Variants in NOL4 observed in about 807,000 individuals in gnomAD.
The protein encoded by NOL4 is nucleolar protein 4.
NOL4 carries 17 observed loss-of-function variants against 75.9 expected under a neutral mutation model. The observed-to-expected ratio is 0.22, with a 90% CI of 0.15 to 0.34. The LOEUF is 0.34. Among genes scored for constraint, NOL4 ranks in the 10% least tolerant of loss-of-function variants. The probability of loss-of-function intolerance (pLI) is 1.00; values close to 1 mark genes in which losing one functional copy is unlikely to be tolerated. For missense variants in NOL4, 614 were observed against 793.5 expected (o/e 0.77, Z 2.72); for synonymous variants, 292 against 289.9 (o/e 1.01, Z -0.07).
intron 9 of NOL4, among the ~76,000 whole-genome samples, chr18:33,905,793 T>C (rs553542983): frequency 6.6e-6 from 1 of 152,300 alleles, no homozygotes; most frequent in African/African-American, 2.4e-5. Context: ...TGCAAAGTGA[T>C]AGTGGGAACC....
chr18:34,152,414 AC>A (rs2081687444), intron 1 of NOL4, among the ~76,000 whole-genome samples: 1 of 151,910 alleles, frequency 6.6e-6, no homozygotes, highest in African/African-American at 2.4e-5. Flanking sequence ...TGGTTTGAAA[AC>A]AAAATAGTCT....
At chr18:33,937,226 G>A (rs1210288775) in intron 9 of NOL4, among the ~76,000 whole-genome samples, 1 of 152,092 alleles carries the variant, frequency 6.6e-6, no homozygotes, top group Non-Finnish European at 1.5e-5. Flanking sequence ...CCTTGCCACT[G>A]GCTTGCTTCA....
intron 9 of NOL4, among the ~76,000 whole-genome samples, chr18:33,892,723 C>T (rs1209666128): frequency 1.3e-5 from 2 of 152,024 alleles, no homozygotes; most frequent in African/African-American, 4.8e-5. Flanking sequence ...AGTGGCACCA[C>T]CATAGCTCTC....
chr18:33,939,576 C>T (rs141536174), intron 9 of NOL4, among the ~76,000 whole-genome samples: 2 of 152,020 alleles, frequency 1.3e-5, no homozygotes, highest in East Asian at 3.9e-4. Flanking sequence ...ATATGTTTGT[C>T]TGTTATTGGT....
chr18:33,943,263 A>T, intron 8 of NOL4, 85 bp from the exon 9 acceptor site: 1 of 806,408 alleles, frequency 1.2e-6, no homozygotes, highest in Non-Finnish European at 2.0e-6. Flanking sequence ...AGCTCTCAGG[A>T]TCATCAACAT....
intron 5 of NOL4, among the ~76,000 whole-genome samples, chr18:34,083,292 A>T (rs1386806232): frequency 6.6e-6 from 1 of 152,118 alleles, no homozygotes; most frequent in African/African-American, 2.4e-5. Flanking sequence ...GATTGGGAGG[A>T]AAAAGGAGGA....
intron 5 of NOL4, among the ~76,000 whole-genome samples, chr18:34,051,893 G>A (rs915587916): frequency 2.0e-5 from 3 of 151,738 alleles, no homozygotes; most frequent in Non-Finnish European, 4.4e-5. Flanking sequence ...GTAGAAATAG[G>A]GATAAAATTT....
At chr18:34,131,719 T>C (rs1344568907) in intron 1 of NOL4, among the ~76,000 whole-genome samples, 1 of 152,204 alleles carries the variant, frequency 6.6e-6, no homozygotes, top group Non-Finnish European at 1.5e-5. Context: ...TCTAGCTAAA[T>C]ACTCAACTGT....
At chr18:33,855,762 T>C (rs888978652) in intron 10 of NOL4, among the ~76,000 whole-genome samples, 2 of 152,074 alleles carry the variant, frequency 1.3e-5, no homozygotes, top group Non-Finnish European at 2.9e-5. Flanking sequence ...TGAGGGATAT[T>C]TAAGTTATAA....
chr18:33,894,850 T>C (rs1412272147), intron 9 of NOL4, among the ~76,000 whole-genome samples: 1 of 152,004 alleles, frequency 6.6e-6, no homozygotes, highest in African/African-American at 2.4e-5. Flanking sequence ...AATGGAGGGT[T>C]GTTGATCAAA....
chr18:34,033,538 G>A (rs903117415), intron 5 of NOL4, among the ~76,000 whole-genome samples: 1 of 152,030 alleles, frequency 6.6e-6, no homozygotes, highest in Non-Finnish European at 1.5e-5. Context: ...CAAAGTTTTT[G>A]TGACATATGA....
intron 5 of NOL4, among the ~76,000 whole-genome samples, chr18:34,084,117 C>A (rs767386795): frequency 6.6e-6 from 1 of 152,140 alleles, no homozygotes; most frequent in Non-Finnish European, 1.5e-5. Flanking sequence ...CTGGAGAGTC[C>A]TGTTGGGAGG....
chr18:33,995,275 T>C (rs1182591806), intron 6 of NOL4, among the ~76,000 whole-genome samples: 1 of 151,628 alleles, frequency 6.6e-6, no homozygotes, highest in African/African-American at 2.4e-5. Context: ...AATATTACTC[T>C]GATACCAAAA....
intron 1 of NOL4, among the ~76,000 whole-genome samples, chr18:34,204,946 A>G (rs1049956307): frequency 1.3e-5 from 2 of 152,140 alleles, no homozygotes; most frequent in African/African-American, 4.8e-5. Flanking sequence ...CCCATTTCAC[A>G]TATATTGAGA....
chr18:34,023,558 C>T, intron 5 of NOL4: 1 of 451,702 alleles, frequency 2.2e-6, no homozygotes, highest in Non-Finnish European at 4.5e-6. Context: ...AAGGTTTCAG[C>T]CTGGGTACCA....
intron 9 of NOL4, among the ~76,000 whole-genome samples, chr18:33,938,281 C>T (rs952331344): frequency 3.3e-5 from 5 of 152,024 alleles, no homozygotes; most frequent in African/African-American, 1.2e-4. Flanking sequence ...AATTGCCCAA[C>T]AAGTTTTTAG....
intron 5 of NOL4, among the ~76,000 whole-genome samples, chr18:34,083,036 GA>G (rs1202776057): frequency 6.6e-6 from 1 of 152,130 alleles, no homozygotes; most frequent in East Asian, 1.9e-4. Flanking sequence ...AATATTTTAT[GA>G]AAAGTGATTG....
At chr18:34,181,338 C>T (rs1441680092) in intron 1 of NOL4, among the ~76,000 whole-genome samples, 3 of 151,438 alleles carry the variant, frequency 2.0e-5, no homozygotes, top group Non-Finnish European at 4.4e-5. Flanking sequence ...ATCTTTTCCA[C>T]AAATGGTGCT....
chr18:33,951,871 C>T (rs1244048243), intron 8 of NOL4, among the ~76,000 whole-genome samples: 1 of 152,236 alleles, frequency 6.6e-6, no homozygotes, highest in East Asian at 1.9e-4. Context: ...GCTTTATATA[C>T]ATTTCTCAGT....
Sources: gnomAD v4.1 joint callset for allele counts (sites outside exome capture counted in the v4.1 genomes callset) on GRCh38, gnomAD v4.1.1 for gene constraint, MANE v1.5 for transcripts, NCBI Gene and HGNC (gene_info 2026-07-23, HGNC 2026-07-21) for gene names.